Variants in FER1L6 observed in about 807,000 individuals in gnomAD.
FER1L6 encodes fer-1-like protein 6.
FER1L6 carries 177 observed loss-of-function variants against 219.2 expected under a neutral mutation model. The ratio of observed to expected loss-of-function variants is 0.81; its 90% CI spans 0.71 to 0.91. The LOEUF is 0.91. Among genes scored for constraint, FER1L6 ranks in the 40% least tolerant of loss-of-function variants. FER1L6 has a pLI of 0.00. For synonymous variants in FER1L6, 768 were observed against 824.3 expected, an observed-to-expected ratio of 0.93 and a Z score of 1.17; for missense variants, 2,153 against 2,259.9, an observed-to-expected ratio of 0.95 and a Z score of 0.96.
chr8:124,063,273 C>T (rs1214043259), intron 25 of FER1L6, among the ~76,000 whole-genome samples: 1 of 152,176 alleles, frequency 6.6e-6, no homozygotes, highest in African/African-American at 2.4e-5. Context: ...TAATTCCTAT[C>T]TATGAGCAGA....
intron 1 of FER1L6, among the ~76,000 whole-genome samples, chr8:123,862,858 A>T: frequency 7.3e-6 from 1 of 137,096 alleles, no homozygotes; most frequent in African/African-American, 3.0e-5. Flanking sequence ...TGTCTATTTG[A>T]TTCTTCTCTC....
chr8:124,063,233 T>C (rs1033453860), intron 25 of FER1L6, among the ~76,000 whole-genome samples: 19 of 152,206 alleles, frequency 1.2e-4, no homozygotes, highest in African/African-American at 4.6e-4. Flanking sequence ...TCATATCTTT[T>C]CCTAGTATGA....
intron 18 of FER1L6, among the ~76,000 whole-genome samples, chr8:124,025,392 C>T (rs900164517): frequency 6.6e-6 from 1 of 152,128 alleles, no homozygotes; most frequent in African/African-American, 2.4e-5. Context: ...CATTCTTCTA[C>T]ATGTGGCTAT....
At chr8:123,869,330 C>T (rs1267391079) in intron 1 of FER1L6, among the ~76,000 whole-genome samples, 1 of 152,180 alleles carries the variant, frequency 6.6e-6, no homozygotes, top group African/African-American at 2.4e-5. Context: ...GTATCCCGAG[C>T]ACATCTCTTC....
chr8:124,002,460 C>G (rs1458116414), intron 12 of FER1L6, among the ~76,000 whole-genome samples: 1 of 152,144 alleles, frequency 6.6e-6, no homozygotes, highest in African/African-American at 2.4e-5. Flanking sequence ...AGTCAACAAA[C>G]TCTGTAACAT....
intron 18 of FER1L6, among the ~76,000 whole-genome samples, chr8:124,034,466 C>T (rs954198573): frequency 2.0e-5 from 3 of 152,216 alleles, no homozygotes; most frequent in Non-Finnish European, 4.4e-5. Context: ...CATGCACACA[C>T]AGGCGTATGT....
intron 1 of FER1L6, among the ~76,000 whole-genome samples, chr8:123,933,783 G>A (rs567518963): frequency 5.9e-5 from 9 of 151,952 alleles, no homozygotes; most frequent in East Asian, 1.9e-4. Context: ...AATCCTATCC[G>A]GTTTCACCAT....
Position 124,017,694 on chromosome 8 carries a change from A to T in FER1L6, c.1989A>T (p.Arg663=), listed in dbSNP as rs376154527. 7.4e-6 allele frequency: 12 copies of T among 1,613,710 alleles called. No homozygotes were observed. The African/African-American group carries it at 1.6e-4, about 22-fold the overall frequency. ...ACCAAACCACTTTAGATAAGAAGCG[A>T]CTTACGCTCTGCTGGCAGGAGCTGG... The part of the protein sequence containing the change: ...MLNQTTLDKK[R]LTLCWQELEA... Residue 663 remains arginine (R), a synonymous_variant, in exon 16 of 41, where the codon CGA becomes CGT. Coordinates refer to ENST00000522917, the MANE Select transcript of FER1L6 (RefSeq NM_001039112.2).
At chr8:123,999,975 T>C (rs1817330103) in intron 12 of FER1L6, among the ~76,000 whole-genome samples, 1 of 152,212 alleles carries the variant, frequency 6.6e-6, no homozygotes, top group South Asian at 2.1e-4. Context: ...ATTGCAGTCC[T>C]TGTGGCCTAG....
chr8:124,064,195 A>T, intron 25 of FER1L6, 152 bp from the exon 26 acceptor site: 1 of 709,798 alleles, frequency 1.4e-6, no homozygotes, highest in Non-Finnish European at 2.4e-6. Flanking sequence ...GGGTATTTTT[A>T]CTGTCATTTT....
intron 39 of FER1L6, among the ~76,000 whole-genome samples, chr8:124,105,913 T>C (rs1439942196): frequency 6.6e-6 from 1 of 152,142 alleles, no homozygotes; most frequent in African/African-American, 2.4e-5. Context: ...AAAGACCACA[T>C]ACTGGTCTGA....
In FER1L6 at chr8:123,956,149, C is replaced by A; in HGVS notation, c.76+75C>A. Reference sequence around the variant, plus strand: ...AGTGACCCCTCCGTGGCTGAAAATGCAGTTCTCTCTCAATGGGAGCGAGGG... The same window carrying A: ...AGTGACCCCTCCGTGGCTGAAAATGAAGTTCTCTCTCAATGGGAGCGAGGG... On this transcript the variant is annotated intron_variant, in intron 2 of 40. Transcript: ENST00000522917. The A allele has an allele frequency of 3.0e-6, 4 of 1,315,808 alleles. No individual in the cohort carries two copies. The East Asian group carries it at 9.6e-5, about 32-fold the overall frequency. The allele number at this position is 1,315,808 out of a possible 1,614,324, so 81.5% of individuals were successfully genotyped here. A position where few individuals can be genotyped will look rare whatever the true frequency, so the allele number is the denominator to read the frequency against.
intron 39 of FER1L6, among the ~76,000 whole-genome samples, chr8:124,104,472 G>T (rs542410899): frequency 2.0e-5 from 3 of 152,166 alleles, no homozygotes; most frequent in African/African-American, 7.2e-5. Context: ...GGAGTTGAGG[G>T]TTCAAACAGG....
chr8:124,027,591 A>T (rs1299046183), intron 18 of FER1L6, among the ~76,000 whole-genome samples: 2 of 152,162 alleles, frequency 1.3e-5, no homozygotes, highest in African/African-American at 4.8e-5. Flanking sequence ...ACAGCACCTT[A>T]TTCTATTGCC....
At chr8:124,087,978 G>C (rs1164140446) in intron 33 of FER1L6, among the ~76,000 whole-genome samples, 1 of 152,136 alleles carries the variant, frequency 6.6e-6, no homozygotes, top group African/African-American at 2.4e-5. Flanking sequence ...TGGGGGAGGG[G>C]TGACACACAC....
At chr8:124,013,341 G>C in intron 14 of FER1L6, 90 bp from the exon 15 acceptor site, 1 of 671,060 alleles carries the variant, frequency 1.5e-6, no homozygotes, top group Non-Finnish European at 2.4e-6. Context: ...AAAAAAAATA[G>C]CTGTTATTTC....
In FER1L6 at chr8:123,951,295, C is replaced by G. The variant is rs142836482; in HGVS notation, c.-7-4697C>G. Among the ~76,000 whole-genome samples, 320 of 152,112 alleles carry G rather than the reference C, an allele frequency of 2.1e-3. 2 individuals carry two copies. Among genetic ancestry groups the G allele is most frequent in the South Asian group, 0.016 (78 of 4,802 alleles). ...GTGGGGCACAGTTTTAGAAAGCTAC[C>G]CCCATATGGATTAGATGTGTAGCCA... On this transcript the variant is annotated intron_variant, in intron 1 of 40. Transcript: ENST00000522917.
chr8:124,026,413 A>G (rs1818708849), intron 18 of FER1L6, among the ~76,000 whole-genome samples: 2 of 152,204 alleles, frequency 1.3e-5, no homozygotes, highest in African/African-American at 2.4e-5. Flanking sequence ...GAACAGGTAA[A>G]GAGATAGCAG....
chr8:123,936,341 G>T (rs914266591), intron 1 of FER1L6, among the ~76,000 whole-genome samples: 15 of 152,084 alleles, frequency 9.9e-5, no homozygotes, highest in African/African-American at 3.6e-4. Context: ...CGACAGTGTG[G>T]TGTCCTACTT....
Sources: allele counts gnomAD v4.1 joint callset (sites outside exome capture counted in the v4.1 genomes callset), GRCh38; gene constraint gnomAD v4.1.1; transcripts MANE v1.5; gene names NCBI Gene and HGNC (gene_info 2026-07-23, HGNC 2026-07-21).